The following AGK variants were observed in gnomAD, a reference collection of about 807,000 sequenced individuals.
The protein encoded by AGK is acylglycerol kinase.
A neutral mutation model predicts 66.4 loss-of-function variants in AGK; 52 were observed. The observed-to-expected ratio is 0.78, with a 90% CI of 0.63 to 0.99. The LOEUF (loss-of-function observed/expected upper bound fraction) is 0.99. Ranked by LOEUF, AGK falls within the 50% of genes least tolerant of loss-of-function variation. The pLI is 0.00. For synonymous variants in AGK, 182 were observed against 181.1 expected (o/e 1.00, Z -0.04); for missense variants, 451 against 506.6 (o/e 0.89, Z 1.05).
chr7:141,607,288 C>T (rs1481113894), intron 5 of AGK, among the ~76,000 whole-genome samples: 1 of 152,138 alleles, frequency 6.6e-6, no homozygotes, highest in Non-Finnish European at 1.5e-5. Context: ...TAGAGTTCCT[C>T]TTGTTCCATA....
chr7:141,561,319 G>A lies in AGK; in HGVS notation c.101+5752G>A, dbSNP rs377546432. Among the ~76,000 whole-genome samples, 6 of 152,070 alleles carry A rather than the reference G, an allele frequency of 3.9e-5. No homozygotes were observed. The East Asian group carries it at 7.7e-4, about 20-fold the overall frequency. On this transcript the variant is annotated intron_variant, in intron 2 of 15. Transcript: ENST00000649286. ...GATTGCTGGATTTAATGGTAGTTCC[G>A]CTTTTAGTTATTTAAGGAATCTCCA...
chr7:141,558,352 T>G (rs894250128), intron 2 of AGK, among the ~76,000 whole-genome samples: 1 of 151,832 alleles, frequency 6.6e-6, no homozygotes, highest in African/African-American at 2.4e-5. Flanking sequence ...AGATGGTTTT[T>G]TTTTTTTTTA....
intron 2 of AGK, among the ~76,000 whole-genome samples, chr7:141,559,969 CT>C (rs398111970): frequency 5.2e-4 from 77 of 146,846 alleles, no homozygotes; most frequent in Admixed American, 5.4e-4. Context: ...GTTCTAACAG[CT>C]TTTTTTTTTG....
At chr7:141,628,174 C>A (rs1428151479) in intron 9 of AGK, among the ~76,000 whole-genome samples, 1 of 152,230 alleles carries the variant, frequency 6.6e-6, no homozygotes, top group African/African-American at 2.4e-5. Flanking sequence ...GCCACCGCAC[C>A]TGGCCTGTGC....
rs540439539 is a variant in AGK at position 141,580,258 on chromosome 7, T to C, written c.102-12888T>C. ...GCAATGAGTTCGGCTTGCTGAGAGG[T>C]AGTGGAGTGGGGGCAGAGTGGTAGC... is the stretch of plus-strand genomic sequence containing the variant. On this transcript the variant is annotated intron_variant, in intron 2 of 15. Transcript: ENST00000649286. Among the ~76,000 whole-genome samples the C allele has an allele frequency of 1.8e-4, 28 of 151,698 alleles. 1 individual carries two copies. In the South Asian group the frequency reaches 5.4e-3, roughly 29 times the overall value.
At chr7:141,630,914 T>C (rs1392408802) in intron 9 of AGK, among the ~76,000 whole-genome samples, 1 of 152,190 alleles carries the variant, frequency 6.6e-6, no homozygotes, top group Non-Finnish European at 1.5e-5. Context: ...GGAATGTAAG[T>C]GCTTCGAGGC....
intron 2 of AGK, among the ~76,000 whole-genome samples, chr7:141,582,743 A>G (rs902438928): frequency 6.6e-6 from 1 of 152,000 alleles, no homozygotes; most frequent in African/African-American, 2.4e-5. Context: ...ATTGCTGGGC[A>G]GATGGGGGAG....
At chr7:141,587,398 G>A (rs914914157) in intron 2 of AGK, among the ~76,000 whole-genome samples, 1 of 152,082 alleles carries the variant, frequency 6.6e-6, no homozygotes, top group Non-Finnish European at 1.5e-5. Flanking sequence ...TGTAAACCTG[G>A]TCACATCAAT....
chr7:141,654,936 A>T lies in AGK; in HGVS notation c.*2012A>T, dbSNP rs1797658895. 6.6e-6 allele frequency: 1 copy of T among 152,246 alleles called. No homozygotes were observed. The highest frequency in any genetic ancestry group is 2.4e-5 in the African/African-American group (1 of 41,456). 9.4% of individuals were successfully genotyped at this position (152,246 alleles called of 1,614,324 possible). On this transcript the variant is annotated 3_prime_UTR_variant, in exon 16 of 16. Coordinates refer to ENST00000649286, the MANE Select transcript of AGK (RefSeq NM_018238.4). ...AAATTTCTGCTTTTGGCAAAAACATAACAGACGGTTCCAAACATCAGCATA... is the reference window on the plus strand; with the variant it reads ...AAATTTCTGCTTTTGGCAAAAACATTACAGACGGTTCCAAACATCAGCATA...
chr7:141,620,158 G>A (rs1394084682), intron 8 of AGK, among the ~76,000 whole-genome samples: 1 of 152,198 alleles, frequency 6.6e-6, no homozygotes, highest in Admixed American at 6.5e-5. Context: ...CATAGTAATT[G>A]TCAGGAGCTG....
At chr7:141,606,733 A>G (rs1042383665) in intron 5 of AGK, among the ~76,000 whole-genome samples, 23 of 152,288 alleles carry the variant, frequency 1.5e-4, no homozygotes, top group African/African-American at 2.9e-4. Context: ...GCACAGTTCT[A>G]TGGGTTTTGA....
chr7:141,641,417 A>C lies in AGK; in HGVS notation c.877+19A>C. 6.2e-7 allele frequency: 1 copy of C among 1,604,038 alleles called. No individual in the cohort carries two copies. The highest frequency in any genetic ancestry group is 1.1e-5 in the South Asian group (1 of 89,240). ...CAGGATGGTGAGCAATGTGGCGACT[A>C]AAGATTGGAGGGCCCTGGTCAGTTT... On this transcript the variant is annotated intron_variant, in intron 12 of 15. Coordinates refer to ENST00000649286, the MANE Select transcript of AGK (RefSeq NM_018238.4).
At chr7:141,614,807 G>C (rs773702811) in intron 7 of AGK, among the ~76,000 whole-genome samples, 1 of 152,106 alleles carries the variant, frequency 6.6e-6, no homozygotes, top group Admixed American at 6.5e-5. Context: ...AAGCAAAAAG[G>C]TAAATGTTAA....
Position 141,601,217 on chromosome 7 carries a change from T to G in AGK, c.234T>G (p.Thr78=). The change falls in exon 5 of 16, where the codon ACT becomes ACG. Residue 78 remains threonine, a synonymous_variant. Transcript: ENST00000649286. The part of the protein sequence containing the change: ...NPAACKGKAR[T]LFEKNAAPIL... ...CCTTTGTTAACAGAAAAGCCAGGAC[T>G]CTATTTGAAAAAAATGCTGCCCCGA... 6.2e-7 allele frequency: 1 copy of G among 1,612,416 alleles called. No individual in the cohort carries two copies. Among genetic ancestry groups the G allele is most frequent in the South Asian group, 1.1e-5 (1 of 90,950 alleles).
rs1171193337 is a variant in AGK, at chr7:141,654,468, CAAG to C, written c.*1547_*1549del. The C allele has an allele frequency of 6.6e-6, 1 of 152,204 alleles. No individual in the cohort carries two copies. The highest frequency in any genetic ancestry group is 6.5e-5 in the Admixed American group (1 of 15,284). 9.4% of individuals were successfully genotyped at this position (152,204 alleles called of 1,614,324 possible). A position where few individuals can be genotyped will look rare whatever the true frequency, so the allele number is the denominator to read the frequency against. On this transcript the variant is annotated 3_prime_UTR_variant, in exon 16 of 16. Transcript: ENST00000649286. ...GACAAAGATCACAGTGCTCTATCAT[CAAG>C]AATTATTAATGATGATCTATCAACT...
intron 4 of AGK, among the ~76,000 whole-genome samples, chr7:141,597,705 T>C (rs1225784319): frequency 6.6e-6 from 1 of 151,460 alleles, no homozygotes; most frequent in Non-Finnish European, 1.5e-5. Context: ...ACTCTGTCTC[T>C]ACAAAAATAC....
At chr7:141,640,113 T>TA (rs1327219120) in intron 11 of AGK, among the ~76,000 whole-genome samples, 1 of 152,042 alleles carries the variant, frequency 6.6e-6, no homozygotes, top group African/African-American at 2.4e-5. Context: ...TGAACCAAGG[T>TA]ATGAAAACAA....
intron 13 of AGK, among the ~76,000 whole-genome samples, chr7:141,648,788 G>T (rs377220428): frequency 3.9e-5 from 6 of 152,174 alleles, no homozygotes; most frequent in Admixed American, 3.3e-4. Flanking sequence ...TCCAACTCTG[G>T]TTGCACACCA....
rs563547369 is a variant in AGK at position 141,609,638 on chromosome 7, A to T, written c.298-1557A>T. ...CTTAGGAAGGTTCCCTTAAGCAGGCATGATCAATTAAATCATTGGCCATTG... is the reference window on the plus strand; with the variant it reads ...CTTAGGAAGGTTCCCTTAAGCAGGCTTGATCAATTAAATCATTGGCCATTG... On this transcript the variant is annotated intron_variant, in intron 5 of 15. Coordinates refer to ENST00000649286, the MANE Select transcript of AGK (RefSeq NM_018238.4). Among the ~76,000 whole-genome samples the T allele has an allele frequency of 2.0e-5, 3 of 152,318 alleles. No homozygotes were observed. The East Asian group carries it at 5.8e-4, about 29-fold the overall frequency.
Sources: gnomAD v4.1 joint callset for allele counts (sites outside exome capture counted in the v4.1 genomes callset) on GRCh38, gnomAD v4.1.1 for gene constraint, MANE v1.5 for transcripts, NCBI Gene and HGNC (gene_info 2026-07-23, HGNC 2026-07-21) for gene names.